Variants in TPSG1 observed in about 807,000 individuals in gnomAD.
TPSG1 encodes tryptase gamma 1.
In TPSG1, 43 loss-of-function variants were observed where a neutral mutation model predicts 23.8. That is an observed-to-expected ratio of 1.81 (90% CI 1.42 to 2.33). TPSG1 has a LOEUF of 2.33. TPSG1 is among the 30% of genes most tolerant of loss of function. TPSG1 has a pLI of 0.00. For missense variants in TPSG1, 623 were observed against 438.6 expected, an observed-to-expected ratio of 1.42 and a Z score of -3.75; for synonymous variants, 302 against 201.3, an observed-to-expected ratio of 1.50 and a Z score of -4.23.
rs1201159781 is a variant in TPSG1 at position 1,221,993 on chromosome 16, A to G, written c.761T>C (p.Val254Ala). 2 of 1,612,094 alleles carry G rather than the reference A, an allele frequency of 1.2e-6. No homozygotes were observed. The highest frequency in any genetic ancestry group is 2.2e-5 in the East Asian group (1 of 44,856). Reference sequence around the variant, plus strand: ...CACGTAGGCAGGGACACGAGTGTAGACTCCCGGCCTGTTGGGGCGGCCGCA... The same window carrying G: ...CACGTAGGCAGGGACACGAGTGTAGGCTCCCGGCCTGTTGGGGCGGCCGCA... ...EGCGRPNRPG[V>A]YTRVPAYVNW... The change falls in exon 6 of 6, where the codon GTC (valine) becomes GCC (alanine). Residue 254 changes from valine to alanine, a missense_variant. Transcript: ENST00000234798.
rs2030092757 is a variant in TPSG1 at position 1,225,265 on chromosome 16, C to T, written c.-13G>A. On this transcript the variant is annotated 5_prime_UTR_variant, in exon 1 of 6. It adds an upstream start codon to the 5' untranslated region. Transcript: ENST00000234798. ...CCCCAAGGGCCATGGTGTCTGCCCA[C>T]TGTAGGGAGAAGGAGGGCCAGCCTG... 6.4e-7 allele frequency: 1 copy of T among 1,561,374 alleles called. No individual in the cohort carries two copies. The highest frequency in any genetic ancestry group is 8.7e-7 in the Non-Finnish European group (1 of 1,153,214).
At chr16:1,223,001 AGGC>A (rs2029903416) in intron 3 of TPSG1, 84 bp from the exon 4 acceptor site, 2 of 1,432,610 alleles carry the variant, frequency 1.4e-6, no homozygotes, top group Admixed American at 2.4e-5. Flanking sequence ...CTACCCTTGC[AGGC>A]ATCCGAAGCC....
chr16:1,223,170 T>G (rs534087669), intron 3 of TPSG1, among the ~76,000 whole-genome samples: 5 of 152,216 alleles, frequency 3.3e-5, no homozygotes, highest in Middle Eastern at 3.4e-3. Context: ...GGAGGCAGAT[T>G]GCAAGCTCAG....
At chr16:1,224,465 C>G (rs889284770) in intron 2 of TPSG1, 137 bp downstream of exon 2, 4 of 1,128,818 alleles carry the variant, frequency 3.5e-6, no homozygotes, top group Admixed American at 2.0e-5. Context: ...CCGAGAGATG[C>G]GAGCAGAAAC....
intron 2 of TPSG1, chr16:1,223,890 G>T (rs1031945741): frequency 2.2e-6 from 1 of 457,590 alleles, no homozygotes; most frequent in South Asian, 3.0e-5. Context: ...CTAGAAAGGG[G>T]CTCAGAACGG....
intron 2 of TPSG1, 73 bp downstream of exon 2, chr16:1,224,529 G>A: frequency 1.3e-6 from 2 of 1,595,498 alleles, no homozygotes; most frequent in Middle Eastern, 1.7e-4. Flanking sequence ...CAGGGAAGGA[G>A]AGGGTCACCG....
chr16:1,224,096 T>G, intron 2 of TPSG1: 1 of 190,324 alleles, frequency 5.3e-6, no homozygotes. Context: ...TTCACCTCAG[T>G]AAGTTAAGAA....
intron 2 of TPSG1, 34 bp from the exon 3 acceptor site, chr16:1,223,628 A>G (rs995137320): frequency 3.4e-5 from 52 of 1,524,812 alleles, no homozygotes; most frequent in Non-Finnish European, 3.9e-5. Flanking sequence ...CCTGGTGGGG[A>G]TCCCAAGAAA....
Position 1,221,860 on chromosome 16 carries a change from G to T in TPSG1, c.894C>A (p.Val298=), listed in dbSNP as rs1196842524. ...GGCACTTGGCCAGCAGGACACAGGA[G>T]ACTAGCAGAAGGAAGAGGCCGGGGA... ...FFLPGLFLLL[V]SCVLLAKCLL... Residue 298 remains valine, a synonymous_variant, in exon 6 of 6, where the codon GTC becomes GTA. Coordinates refer to ENST00000234798, the MANE Select transcript of TPSG1 (RefSeq NM_012467.4). 4.3e-6 allele frequency: 7 copies of T among 1,612,052 alleles called. No homozygotes were observed. The highest frequency in any genetic ancestry group is 5.9e-6 in the Non-Finnish European group (7 of 1,179,582).
At chr16:1,223,688 T>C (rs924482350) in intron 2 of TPSG1, 94 bp from the exon 3 acceptor site, 70 of 1,411,272 alleles carry the variant, frequency 5.0e-5, no homozygotes, top group Non-Finnish European at 5.9e-5. Context: ...CTCCCTGCCT[T>C]CTTGGGGACT....
In TPSG1 at chr16:1,223,581, C is replaced by T. The variant is rs1418212358; in HGVS notation, c.87G>A (p.Pro29=). Residue 29 remains proline, a synonymous_variant, in exon 3 of 6, where the codon CCG becomes CCA. Coordinates refer to ENST00000234798, the MANE Select transcript of TPSG1 (RefSeq NM_012467.4). ...LRTLQPGCGR[P]QVSDAGGRIV... ...TCCGGCCGCCTGCATCCGAAACCTG[C>T]GGCCGGCCACACCCTAAGTCGAAGG... 12 of 1,541,446 alleles carry T rather than the reference C, an allele frequency of 7.8e-6. No homozygotes were observed. The highest frequency in any genetic ancestry group is 4.0e-5 in the Admixed American group (2 of 49,922).
rs1181640381 is a variant in TPSG1 at position 1,221,683 on chromosome 16, T to C, written c.*105A>G. The C allele has an allele frequency of 2.6e-6, 3 of 1,165,504 alleles. No homozygotes were observed. In the African/African-American group the frequency reaches 4.6e-5, roughly 18 times the overall value. 72.2% of individuals were successfully genotyped at this position (1,165,504 alleles called of 1,614,324 possible). ...CGTGTGCTTTTAAATTCAGGTTAAA[T>C]GTTGCAATAATCTGATGCAGAAGAC... On this transcript the variant is annotated 3_prime_UTR_variant, in exon 6 of 6. Transcript: ENST00000234798.
intron 3 of TPSG1, 50 bp downstream of exon 3, chr16:1,223,373 C>G (rs2029938284): frequency 6.6e-6 from 10 of 1,517,772 alleles, no homozygotes; most frequent in Non-Finnish European, 7.9e-6. Flanking sequence ...TGGCGCATGC[C>G]CCACTGGGGC....
chr16:1,224,550 G>A (rs1324321738), intron 2 of TPSG1, 52 bp downstream of exon 2: 3 of 1,611,298 alleles, frequency 1.9e-6, no homozygotes, highest in Admixed American at 1.7e-5. Flanking sequence ...AGGCCCTCCT[G>A]CCAGGCCTTG....
At chr16:1,222,490 G>A (rs1157779123) in intron 4 of TPSG1, 149 bp from the exon 5 acceptor site, 7 of 1,275,118 alleles carry the variant, frequency 5.5e-6, no homozygotes, top group Non-Finnish European at 7.6e-6. Flanking sequence ...TGCTGCTTTG[G>A]ATCCACACGA....
At chr16:1,222,378 G>A (rs1482647623) in intron 4 of TPSG1, 37 bp from the exon 5 acceptor site, 2 of 1,545,084 alleles carry the variant, frequency 1.3e-6, no homozygotes, top group African/African-American at 2.7e-5. Flanking sequence ...GAAGGTTGGG[G>A]CACCAGGCCC....
Position 1,223,609 on chromosome 16 carries a change from G to A in TPSG1, c.74-15C>T, listed in dbSNP as rs576485768. On this transcript the variant is annotated splice_polypyrimidine_tract_variant and intron_variant, in intron 2 of 5. Coordinates refer to ENST00000234798, the MANE Select transcript of TPSG1 (RefSeq NM_012467.4). ...CCGGCCACACCCTAAGTCGAAGGAG[G>A]AAGGGGTGCCTGGTGGGGATCCCAA... The A allele has an allele frequency of 2.3e-5, 35 of 1,533,190 alleles. No homozygotes were observed. The Admixed American group carries it at 2.7e-4, about 12-fold the overall frequency. 95.0% of individuals were successfully genotyped at this position (1,533,190 alleles called of 1,614,324 possible).
intron 1 of TPSG1, 142 bp from the exon 2 acceptor site, chr16:1,224,770 G>T (rs933894429): frequency 5.0e-6 from 5 of 999,190 alleles, no homozygotes; most frequent in East Asian, 2.6e-5. Flanking sequence ...GGTGAGGCTG[G>T]GTCAACTGCT....
rs866964945 is a variant in TPSG1, at chr16:1,223,573, G to A, written c.95C>T (p.Ser32Leu). ...LQPGCGRPQV[S>L]DAGGRIVGGH... ...CCCCACGATCCGGCCGCCTGCATCCGAAACCTGCGGCCGGCCACACCCTAA... is the reference window on the plus strand; with the variant it reads ...CCCCACGATCCGGCCGCCTGCATCCAAAACCTGCGGCCGGCCACACCCTAA... The change falls in exon 3 of 6, where the codon TCG (serine) becomes TTG (leucine). Residue 32 changes from serine (S) to leucine (L), a missense_variant. Coordinates refer to ENST00000234798, the MANE Select transcript of TPSG1 (RefSeq NM_012467.4). The A allele has an allele frequency of 2.1e-5, 32 of 1,542,880 alleles. No homozygotes were observed. Among genetic ancestry groups the A allele is most frequent in the Middle Eastern group, 1.7e-4 (1 of 5,936 alleles).
Sources: allele counts gnomAD v4.1 joint callset (sites outside exome capture counted in the v4.1 genomes callset), GRCh38; gene constraint gnomAD v4.1.1; transcripts MANE v1.5; gene names NCBI Gene and HGNC (gene_info 2026-07-23, HGNC 2026-07-21).